Variants in EYS observed in about 807,000 individuals in gnomAD.
The protein encoded by EYS is protein eyes shut homolog.
A neutral mutation model predicts 282.1 loss-of-function variants in EYS; 250 were observed. That is an observed-to-expected ratio of 0.89 (90% CI 0.80 to 0.98). The LOEUF is 0.98. EYS is among the 50% of genes least tolerant of loss of function. EYS has a pLI of 0.00. For missense variants in EYS, 4,016 were observed against 3,709.0 expected, an observed-to-expected ratio of 1.08 and a Z score of -2.15; for synonymous variants, 1,355 against 1,282.9, an observed-to-expected ratio of 1.06 and a Z score of -1.20.
intron 2 of EYS, among the ~76,000 whole-genome samples, chr6:65,548,064 C>G (rs1488995064): frequency 1.3e-5 from 2 of 152,092 alleles, no homozygotes; most frequent in African/African-American, 2.4e-5. Flanking sequence ...CACCCAGGCC[C>G]CTGAACTTTG....
chr6:64,391,825 A>G (rs1350989089), intron 28 of EYS, among the ~76,000 whole-genome samples: 1 of 152,234 alleles, frequency 6.6e-6, no homozygotes, highest in Non-Finnish European at 1.5e-5. Context: ...AAAGACAAAG[A>G]CTGGCAAATT....
chr6:64,397,276 A>G (rs889562562), intron 28 of EYS, among the ~76,000 whole-genome samples: 3 of 152,000 alleles, frequency 2.0e-5, no homozygotes, highest in Non-Finnish European at 4.4e-5. Flanking sequence ...TAAGGGATAG[A>G]CCTTTCAATT....
intron 31 of EYS, among the ~76,000 whole-genome samples, chr6:64,127,090 T>C (rs1258552635): frequency 6.6e-6 from 1 of 152,194 alleles, no homozygotes; most frequent in Non-Finnish European, 1.5e-5. Flanking sequence ...AAATATTTAA[T>C]CTGTCTTTCA....
chr6:64,738,764 T>C (rs2149958918), intron 22 of EYS, among the ~76,000 whole-genome samples: 1 of 152,280 alleles, frequency 6.6e-6, no homozygotes. Flanking sequence ...CAAATTTTAG[T>C]AATTTTTTTT....
intron 16 of EYS, among the ~76,000 whole-genome samples, chr6:64,908,149 C>T (rs764862471): frequency 3.3e-5 from 5 of 152,132 alleles, no homozygotes; most frequent in Non-Finnish European, 5.9e-5. Flanking sequence ...TTGGCAGACT[C>T]GTGGGAGAGG....
chr6:65,139,330 G>C (rs554770566), intron 12 of EYS, among the ~76,000 whole-genome samples: 1 of 152,140 alleles, frequency 6.6e-6, no homozygotes, highest in East Asian at 1.9e-4. Context: ...ACTAATACAG[G>C]AACAGAAAAC....
intron 32 of EYS, among the ~76,000 whole-genome samples, chr6:64,075,486 C>T (rs1261182127): frequency 6.6e-6 from 1 of 151,910 alleles, no homozygotes; most frequent in African/African-American, 2.4e-5. Flanking sequence ...ACTAGTAATA[C>T]ACAACTCTTA....
At chr6:63,946,573 G>A (rs1419450755) in intron 35 of EYS, among the ~76,000 whole-genome samples, 1 of 152,044 alleles carries the variant, frequency 6.6e-6, no homozygotes, top group African/African-American at 2.4e-5. Flanking sequence ...TTGCTTTTAA[G>A]TTGACAGATC....
chr6:64,437,591 G>A (rs141099774), intron 27 of EYS, among the ~76,000 whole-genome samples: 2 of 151,310 alleles, frequency 1.3e-5, no homozygotes, highest in African/African-American at 4.8e-5. Flanking sequence ...TGTAAAATGG[G>A]GTAATACAAA....
intron 8 of EYS, among the ~76,000 whole-genome samples, chr6:65,382,958 C>T (rs1765672578): frequency 6.7e-6 from 1 of 150,002 alleles, no homozygotes; most frequent in Non-Finnish European, 1.5e-5. Context: ...AGTTGACCCT[C>T]AGTATTAAGC....
At chr6:64,747,330 T>C (rs2149966248) in intron 22 of EYS, among the ~76,000 whole-genome samples, 1 of 152,320 alleles carries the variant, frequency 6.6e-6, no homozygotes, top group Non-Finnish European at 1.5e-5. Flanking sequence ...AACCCTTATG[T>C]TGGCGTCATT....
At chr6:63,944,377 G>A (rs933249856) in intron 35 of EYS, among the ~76,000 whole-genome samples, 1 of 152,088 alleles carries the variant, frequency 6.6e-6, no homozygotes, top group Admixed American at 6.6e-5. Flanking sequence ...TACATTTTAC[G>A]AAAGTGTACG....
At chr6:64,086,264 T>G (rs1186122102) in intron 31 of EYS, among the ~76,000 whole-genome samples, 1 of 152,226 alleles carries the variant, frequency 6.6e-6, no homozygotes, top group Non-Finnish European at 1.5e-5. Flanking sequence ...CTTTTGTCTT[T>G]CCTTCTGCTA....
In EYS at chr6:63,763,870, T is replaced by TTATATATA. The variant is rs55668347; in HGVS notation, c.7899-1245_7899-1238dup. Reference sequence around the variant, plus strand: ...TTTGAGATTTTATTGTTATATCTTGTTATATATATATATATATATATATAT... The same window carrying TTATATATA: ...TTTGAGATTTTATTGTTATATCTTGTTATATATATATATATATATATATATATATATAT... On this transcript the variant is annotated intron_variant, in intron 40 of 42. Coordinates refer to ENST00000503581, the MANE Select transcript of EYS (RefSeq NM_001142800.2). Among the ~76,000 whole-genome samples the TTATATATA allele has an allele frequency of 6.5e-3, 842 of 129,612 alleles. 3 individuals carry two copies. Among genetic ancestry groups the TTATATATA allele is most frequent in the South Asian group, 9.4e-3 (37 of 3,924 alleles). 85.0% of individuals were successfully genotyped at this position (129,612 alleles called of 152,430 possible). A position where few individuals can be genotyped will look rare whatever the true frequency, so the allele number is the denominator to read the frequency against.
chr6:64,560,580 T>G (rs1765363985), intron 26 of EYS, among the ~76,000 whole-genome samples: 1 of 152,090 alleles, frequency 6.6e-6, no homozygotes, highest in East Asian at 1.9e-4. Flanking sequence ...TATGCCTAAT[T>G]CATCAGACTT....
intron 26 of EYS, among the ~76,000 whole-genome samples, chr6:64,444,623 GCATGATA>G (rs1288176526): frequency 1.3e-5 from 2 of 152,120 alleles, no homozygotes; most frequent in Non-Finnish European, 2.9e-5. Context: ...CAAGAACCTA[GCATGATA>G]CATGATTCTG....
chr6:64,792,877 T>TGTGTGTGTGTGTGTG (rs1562194593), intron 22 of EYS, among the ~76,000 whole-genome samples: 1 of 151,914 alleles, frequency 6.6e-6, no homozygotes, highest in Non-Finnish European at 1.5e-5. Context: ...TGTGTGTGTG[T>TGTGTGTGTGTGTGTG]TAGATGTAAC....
At chr6:64,827,864 G>T (rs1765103456) in intron 19 of EYS, among the ~76,000 whole-genome samples, 1 of 151,758 alleles carries the variant, frequency 6.6e-6, no homozygotes, top group Non-Finnish European at 1.5e-5. Context: ...GGTGTTTAAA[G>T]GTGTGTCAAT....
intron 28 of EYS, among the ~76,000 whole-genome samples, chr6:64,404,361 T>C (rs1307038293): frequency 6.6e-6 from 1 of 150,888 alleles, no homozygotes; most frequent in Non-Finnish European, 1.5e-5. Context: ...TTTTTCTAAA[T>C]TGTAATATAG....
Sources: allele counts gnomAD v4.1 joint callset (sites outside exome capture counted in the v4.1 genomes callset), GRCh38; gene constraint gnomAD v4.1.1; transcripts MANE v1.5; gene names NCBI Gene and HGNC (gene_info 2026-07-23, HGNC 2026-07-21).